The following IGF2BP2 variants were observed in gnomAD, a reference collection of about 807,000 sequenced individuals.
IGF2BP2 encodes insulin like growth factor 2 mRNA binding protein 2.
In IGF2BP2, 17 loss-of-function variants were observed where a neutral mutation model predicts 75.8. The observed-to-expected ratio is 0.22, with a 90% CI of 0.15 to 0.34. The LOEUF (loss-of-function observed/expected upper bound fraction) is 0.34. IGF2BP2 is among the 10% of genes least tolerant of loss of function. IGF2BP2 has a pLI of 1.00. For missense variants in IGF2BP2, 516 were observed against 772.4 expected, an observed-to-expected ratio of 0.67 and a Z score of 3.93; for synonymous variants, 288 against 295.6, an observed-to-expected ratio of 0.97 and a Z score of 0.26.
chr3:185,819,563 C>T (rs895942630), intron 2 of IGF2BP2, among the ~76,000 whole-genome samples: 1 of 151,482 alleles, frequency 6.6e-6, no homozygotes, highest in Non-Finnish European at 1.5e-5. Context: ...TACCTAGCAC[C>T]ATGTGAAAAA....
At chr3:185,676,062 C>T (rs768280938) in intron 7 of IGF2BP2, 149 bp from the exon 8 acceptor site, 16 of 922,758 alleles carry the variant, frequency 1.7e-5, no homozygotes, top group Non-Finnish European at 2.4e-5. Flanking sequence ...GGTCCCTCAC[C>T]GACCCCAGTT....
intron 2 of IGF2BP2, among the ~76,000 whole-genome samples, chr3:185,747,286 A>C (rs149942729): frequency 6.6e-6 from 1 of 152,336 alleles, no homozygotes; most frequent in Non-Finnish European, 1.5e-5. Flanking sequence ...GCTACGATTT[A>C]TCACTTTTTC....
chr3:185,652,499 G>C (rs1253291497), intron 12 of IGF2BP2, among the ~76,000 whole-genome samples: 1 of 152,180 alleles, frequency 6.6e-6, no homozygotes, highest in Non-Finnish European at 1.5e-5. Context: ...AAAAGCTCTA[G>C]GAAGAGGGAT....
chr3:185,660,669 G>A (rs910002208), intron 10 of IGF2BP2, among the ~76,000 whole-genome samples: 1 of 152,174 alleles, frequency 6.6e-6, no homozygotes, highest in Non-Finnish European at 1.5e-5. Flanking sequence ...CAGGAAGGTG[G>A]GTGAAGCAGT....
chr3:185,767,660 GA>G (rs1323047543), intron 2 of IGF2BP2, among the ~76,000 whole-genome samples: 1 of 151,338 alleles, frequency 6.6e-6, no homozygotes, highest in Non-Finnish European at 1.5e-5. Flanking sequence ...CTTCTACTTG[GA>G]AAAAAAAGTT....
At chr3:185,668,276 A>G (rs1388724234) in intron 10 of IGF2BP2, among the ~76,000 whole-genome samples, 2 of 152,154 alleles carry the variant, frequency 1.3e-5, no homozygotes, top group African/African-American at 4.8e-5. Flanking sequence ...GCCCATAATA[A>G]GTAAAAACAA....
intron 2 of IGF2BP2, among the ~76,000 whole-genome samples, chr3:185,741,572 TG>T (rs1442732911): frequency 2.0e-5 from 3 of 152,180 alleles, no homozygotes; most frequent in African/African-American, 7.2e-5. Flanking sequence ...GAATTCGCTC[TG>T]AACAGAGAAA....
chr3:185,675,991 T>C, intron 7 of IGF2BP2, 78 bp from the exon 8 acceptor site: 1 of 1,544,524 alleles, frequency 6.5e-7, no homozygotes, highest in Non-Finnish European at 8.7e-7. Flanking sequence ...CTTGCTTTTT[T>C]CTTATAAATG....
chr3:185,716,613 G>A (rs375339425), intron 2 of IGF2BP2: 6 of 519,802 alleles, frequency 1.2e-5, no homozygotes, highest in Admixed American at 1.9e-5. Context: ...ACTTTTCTTC[G>A]GGGGCAGGTA....
At chr3:185,677,218 C>G (rs1274442199) in intron 7 of IGF2BP2, among the ~76,000 whole-genome samples, 1 of 151,386 alleles carries the variant, frequency 6.6e-6, no homozygotes, top group Non-Finnish European at 1.5e-5. Context: ...CTGGGCTCCT[C>G]CTTTGGGACA....
At chr3:185,654,515 G>A (rs945848229) in intron 12 of IGF2BP2, among the ~76,000 whole-genome samples, 5 of 152,170 alleles carry the variant, frequency 3.3e-5, no homozygotes, top group African/African-American at 4.8e-5. Flanking sequence ...TGCCATCACC[G>A]TCCACTTCGT....
At chr3:185,773,084 A>AGGT (rs1734095183) in intron 2 of IGF2BP2, among the ~76,000 whole-genome samples, 1 of 152,198 alleles carries the variant, frequency 6.6e-6, no homozygotes, top group African/African-American at 2.4e-5. Flanking sequence ...AAGAGCAGCA[A>AGGT]AGCACGTGAC....
chr3:185,742,479 G>C (rs1314825216), intron 2 of IGF2BP2, among the ~76,000 whole-genome samples: 1 of 151,938 alleles, frequency 6.6e-6, no homozygotes, highest in Non-Finnish European at 1.5e-5. Flanking sequence ...CTGGGCAACA[G>C]AGTGAGACTC....
At chr3:185,809,291 G>T (rs1048801969) in intron 2 of IGF2BP2, among the ~76,000 whole-genome samples, 2 of 152,082 alleles carry the variant, frequency 1.3e-5, no homozygotes, top group Non-Finnish European at 2.9e-5. Flanking sequence ...AGAAAGAAAA[G>T]AAAGACTGAT....
intron 10 of IGF2BP2, among the ~76,000 whole-genome samples, chr3:185,671,407 C>T (rs537000316): frequency 6.6e-6 from 1 of 151,948 alleles, no homozygotes; most frequent in South Asian, 2.1e-4. Flanking sequence ...TGTGGTGATG[C>T]ATGCCTGTAA....
At chr3:185,808,321 A>G (rs1038347227) in intron 2 of IGF2BP2, among the ~76,000 whole-genome samples, 3 of 50,838 alleles carry the variant, frequency 5.9e-5, no homozygotes, top group Non-Finnish European at 9.8e-5. Flanking sequence ...CTAAAAATAC[A>G]AAAAAAAAAT....
rs1430275569 is a variant in IGF2BP2, at chr3:185,665,494, GAGGAGGAGAAGGAGGAGGAGGAGA to G, written c.1200+7023_1200+7046del. Among the ~76,000 whole-genome samples, 152 of 72,130 alleles carry G rather than the reference GAGGAGGAGAAGGAGGAGGAGGAGA, an allele frequency of 2.1e-3. 2 individuals are homozygous for G. The highest frequency in any genetic ancestry group is 8.0e-3 in the South Asian group (16 of 1,992). 47.3% of individuals were successfully genotyped at this position (72,130 alleles called of 152,430 possible). On this transcript the variant is annotated intron_variant, in intron 10 of 15. Transcript: ENST00000382199. ...GAAGAAGGAGAAGAAGGAGGAGAAG[GAGGAGGAGAAGGAGGAGGAGGAGA>G]AGGAGGAGGAGGAGAAGGAGGAGGA...
At chr3:185,821,174 A>G in intron 2 of IGF2BP2, 1 of 1,433,404 alleles carries the variant, frequency 7.0e-7, no homozygotes, top group Non-Finnish European at 9.1e-7. Context: ...TAATAAAGGA[A>G]AGGAAAAAAA....
chr3:185,688,084 T>G (rs1721402684), intron 6 of IGF2BP2, among the ~76,000 whole-genome samples: 1 of 152,186 alleles, frequency 6.6e-6, no homozygotes, highest in Admixed American at 6.5e-5. Flanking sequence ...TTCTAAGATG[T>G]GGCACTCCAG....
Sources: allele counts gnomAD v4.1 joint callset (sites outside exome capture counted in the v4.1 genomes callset), GRCh38; gene constraint gnomAD v4.1.1; transcripts MANE v1.5; gene names NCBI Gene and HGNC (gene_info 2026-07-23, HGNC 2026-07-21).